Variants in TAFA2 observed in about 807,000 individuals in gnomAD.
TAFA2 encodes chemokine-like protein TAFA-2.
A neutral mutation model predicts 18.8 loss-of-function variants in TAFA2; 7 were observed. The observed-to-expected ratio is 0.37, with a 90% CI of 0.21 to 0.70. The LOEUF is 0.70. TAFA2 is among the 30% of genes least tolerant of loss of function. The pLI is 0.53. For missense variants in TAFA2, 122 were observed against 158.1 expected (o/e 0.77, Z 1.23); for synonymous variants, 60 against 54.2 (o/e 1.11, Z -0.47).
intron 1 of TAFA2, among the ~76,000 whole-genome samples, chr12:62,222,427 CT>C (rs2062766837): frequency 6.6e-6 from 1 of 152,094 alleles, no homozygotes; most frequent in South Asian, 2.1e-4. Context: ...TCAAAAAATA[CT>C]GCTGAAGTGT....
chr12:61,747,092 A>G (rs980918881), intron 4 of TAFA2, among the ~76,000 whole-genome samples: 7 of 152,324 alleles, frequency 4.6e-5, no homozygotes, highest in Admixed American at 6.5e-5. Flanking sequence ...GAAGACATTT[A>G]TGCAGCCAAA....
chr12:62,012,647 T>A (rs1880810143), intron 1 of TAFA2, among the ~76,000 whole-genome samples: 1 of 152,114 alleles, frequency 6.6e-6, no homozygotes, highest in Admixed American at 6.6e-5. Flanking sequence ...CTAAAAGTAC[T>A]CTATGGAAGA....
intron 1 of TAFA2, among the ~76,000 whole-genome samples, chr12:62,147,318 G>GTGTATATATATATATATATA (rs1474954167): frequency 1.5e-4 from 13 of 87,612 alleles, no homozygotes; most frequent in Non-Finnish European, 2.7e-4. Flanking sequence ...GTGTGTGTGT[G>GTGTATATATATATATATATA]TATGTATGTA....
chr12:61,916,091 T>C (rs978929125), intron 1 of TAFA2, among the ~76,000 whole-genome samples: 1 of 152,222 alleles, frequency 6.6e-6, no homozygotes, highest in African/African-American at 2.4e-5. Context: ...CCTTTCGTCA[T>C]AAGAAATGTC....
At chr12:61,787,875 A>G (rs1367843168) in intron 2 of TAFA2, among the ~76,000 whole-genome samples, 2 of 151,682 alleles carry the variant, frequency 1.3e-5, no homozygotes, top group Non-Finnish European at 3.0e-5. Flanking sequence ...TTGAATCTAA[A>G]CAGTTAAATT....
chr12:62,133,332 G>C (rs1356249501), intron 1 of TAFA2, among the ~76,000 whole-genome samples: 1 of 152,002 alleles, frequency 6.6e-6, no homozygotes, highest in East Asian at 1.9e-4. Flanking sequence ...GACTAAGCAT[G>C]TCAGTGTGAG....
intron 1 of TAFA2, among the ~76,000 whole-genome samples, chr12:62,092,848 T>A (rs1158917827): frequency 6.6e-6 from 1 of 152,004 alleles, no homozygotes; most frequent in Non-Finnish European, 1.5e-5. Context: ...TAAACTTCTC[T>A]AGACAGTTTC....
intron 2 of TAFA2, among the ~76,000 whole-genome samples, chr12:61,785,059 C>G (rs1870669330): frequency 6.6e-6 from 1 of 151,436 alleles, no homozygotes; most frequent in African/African-American, 2.4e-5. Flanking sequence ...AGAATTTATT[C>G]CTATCTATCT....
intron 1 of TAFA2, chr12:62,235,416 G>A (rs576692607): frequency 7.6e-6 from 5 of 655,302 alleles, no homozygotes; most frequent in Non-Finnish European, 1.4e-5. Context: ...TTCAAGATGG[G>A]TGCTGAGTTC....
At chr12:62,233,402 C>T (rs144898411) in intron 1 of TAFA2, among the ~76,000 whole-genome samples, 1 of 152,174 alleles carries the variant, frequency 6.6e-6, no homozygotes, top group East Asian at 1.9e-4. Flanking sequence ...TTTCTAGTAA[C>T]ATCCCTCCTC....
At chr12:61,776,329 G>A (rs1870260681) in intron 2 of TAFA2, 1 of 172,362 alleles carries the variant, frequency 5.8e-6, no homozygotes, top group South Asian at 1.4e-4. Context: ...TGCTCCATCT[G>A]GAGAAACACA....
intron 1 of TAFA2, among the ~76,000 whole-genome samples, chr12:61,980,213 T>C (rs994955699): frequency 1.3e-5 from 2 of 152,082 alleles, no homozygotes; most frequent in Non-Finnish European, 2.9e-5. Context: ...CACATGATTA[T>C]CTCAATAGAT....
At chr12:61,753,559 C>G in intron 4 of TAFA2, 63 bp downstream of exon 4, 1 of 1,497,096 alleles carries the variant, frequency 6.7e-7, no homozygotes, top group Non-Finnish European at 9.1e-7. Flanking sequence ...TTGGTTACTG[C>G]ACAAGCTCCG....
chr12:61,772,817 G>A (rs1464314869), intron 2 of TAFA2, among the ~76,000 whole-genome samples: 4 of 151,584 alleles, frequency 2.6e-5, no homozygotes, highest in Non-Finnish European at 5.9e-5. Flanking sequence ...GGATTCCCAC[G>A]TTCACCACTT....
At chr12:61,793,770 A>G (rs1871080580) in intron 2 of TAFA2, among the ~76,000 whole-genome samples, 1 of 151,842 alleles carries the variant, frequency 6.6e-6, no homozygotes, top group Admixed American at 6.6e-5. Context: ...CCTGATAATA[A>G]AAACAAAACA....
chr12:61,711,946 T>A (rs962747456), intron 4 of TAFA2, among the ~76,000 whole-genome samples: 1 of 151,944 alleles, frequency 6.6e-6, no homozygotes, highest in Non-Finnish European at 1.5e-5. Flanking sequence ...CATTCAGGAG[T>A]CATCATATAC....
chr12:61,767,938 A>C (rs1431756753), intron 2 of TAFA2, among the ~76,000 whole-genome samples: 2 of 152,154 alleles, frequency 1.3e-5, no homozygotes, highest in Admixed American at 1.3e-4. Flanking sequence ...ATGACTTTAA[A>C]ATTCACTTAT....
At chr12:61,895,978 T>C (rs930805389) in intron 1 of TAFA2, among the ~76,000 whole-genome samples, 2 of 151,888 alleles carry the variant, frequency 1.3e-5, no homozygotes, top group African/African-American at 4.8e-5. Context: ...AATAAGGATT[T>C]CATGAAACTA....
chr12:61,998,767 G>A (rs17125610), intron 1 of TAFA2, among the ~76,000 whole-genome samples: 10,967 of 152,202 alleles, frequency 0.072, 456 homozygotes, highest in Middle Eastern at 0.2. Flanking sequence ...GAAGAAACAC[G>A]TGGAGGATGT....
Sources: allele counts gnomAD v4.1 joint callset (sites outside exome capture counted in the v4.1 genomes callset), GRCh38; gene constraint gnomAD v4.1.1; transcripts MANE v1.5; gene names NCBI Gene and HGNC (gene_info 2026-07-23, HGNC 2026-07-21).